The following FGD6 variants were observed in gnomAD, a reference collection of about 807,000 sequenced individuals.
The protein encoded by FGD6 is FYVE, RhoGEF and PH domain containing 6.
A neutral mutation model predicts 149.4 loss-of-function variants in FGD6; 90 were observed. The ratio of observed to expected loss-of-function variants is 0.60; its 90% CI spans 0.51 to 0.72. The LOEUF (loss-of-function observed/expected upper bound fraction) is 0.72. FGD6 is among the 30% of genes least tolerant of loss of function. The pLI is 0.00. For synonymous variants in FGD6, 527 were observed against 584.0 expected (o/e 0.90, Z 1.41); for missense variants, 1,437 against 1,684.8 (o/e 0.85, Z 2.57).
chr12:95,172,493 T>C (rs1881022362), intron 3 of FGD6, 107 bp downstream of exon 3: 2 of 1,029,920 alleles, frequency 1.9e-6, no homozygotes. Flanking sequence ...TGAAAGTGTT[T>C]TATAAGTTTT....
chr12:95,102,138 C>T (rs931947709), intron 14 of FGD6, among the ~76,000 whole-genome samples: 1 of 151,640 alleles, frequency 6.6e-6, no homozygotes, highest in African/African-American at 2.4e-5. Flanking sequence ...GAAAGGTCAT[C>T]TCTATCTTAA....
chr12:95,117,485 T>C lies in FGD6; in HGVS notation c.3083-3784A>G, dbSNP rs74323823. Among the ~76,000 whole-genome samples the C allele has an allele frequency of 9.4e-3, 1,422 of 152,046 alleles. 24 individuals are homozygous for C. Among genetic ancestry groups the C allele is most frequent in the African/African-American group, 0.032 (1,347 of 41,470 alleles). On this transcript the variant is annotated intron_variant, in intron 8 of 20. Coordinates refer to ENST00000343958, the MANE Select transcript of FGD6 (RefSeq NM_018351.4). The stretch of plus-strand genomic sequence containing the variant: ...TTGCCTAGGCTGGAGTGTGCAGTGG[T>C]GTGACCAATGCTCATTGTAGCTTCA...
chr12:95,155,706 A>C (rs1348034333), intron 3 of FGD6, among the ~76,000 whole-genome samples: 1 of 152,206 alleles, frequency 6.6e-6, no homozygotes, highest in Non-Finnish European at 1.5e-5. Context: ...CACAGGGACT[A>C]CGTAAAGTGA....
rs78109336 is a variant in FGD6, at chr12:95,087,918, T to C, written c.3978+1651A>G. 6.4e-3 allele frequency among the ~76,000 whole-genome samples: 977 copies of C among 152,244 alleles called. 12 individuals carry two copies. Among genetic ancestry groups the C allele is most frequent in the African/African-American group, 0.022 (923 of 41,528 alleles). On this transcript the variant is annotated intron_variant, in intron 18 of 20. Transcript: ENST00000343958. ...TTTTTAAAAAACTAGAATTGTTTCC[T>C]ATCTCAGTGAAAAAAAAGAGGAAAA...
intron 2 of FGD6, among the ~76,000 whole-genome samples, chr12:95,199,544 A>G (rs957304247): frequency 6.6e-6 from 1 of 151,534 alleles, no homozygotes; most frequent in Non-Finnish European, 1.5e-5. Context: ...GGCAGTAGAG[A>G]TGGACTGTGC....
intron 14 of FGD6, among the ~76,000 whole-genome samples, chr12:95,103,611 T>A (rs971305419): frequency 6.6e-6 from 1 of 152,224 alleles, no homozygotes. Context: ...CTCGGTTCAC[T>A]GCAACCTCCA....
At chr12:95,085,496 A>C (rs1034386859) in intron 19 of FGD6, 3 of 411,728 alleles carry the variant, frequency 7.3e-6, no homozygotes, top group African/African-American at 6.2e-5. Flanking sequence ...GAGCCAGTGC[A>C]CCTGGGGGCA....
chr12:95,169,776 G>T (rs963690577), intron 3 of FGD6, among the ~76,000 whole-genome samples: 1 of 152,138 alleles, frequency 6.6e-6, no homozygotes, highest in African/African-American at 2.4e-5. Context: ...GAAAAAACTT[G>T]GGAGTTGCTT....
chr12:95,210,927 C>T lies in FGD6; in HGVS notation c.357G>A (p.Lys119=). ...CACACAAATTCTCTCTATGGCCCAG[C>T]TTATGGATACACTCAGAACTGCAGG... ...MCSCSSECIH[K]LGHRENLCVK... The change falls in exon 2 of 21, where the codon AAG becomes AAA. Residue 119 remains lysine, a synonymous_variant. Transcript: ENST00000343958. The T allele has an allele frequency of 3.7e-6, 6 of 1,614,164 alleles. No homozygotes were observed. Among genetic ancestry groups the T allele is most frequent in the Non-Finnish European group, 5.1e-6 (6 of 1,180,044 alleles).
At chr12:95,161,417 AC>A (rs1186653749) in intron 3 of FGD6, among the ~76,000 whole-genome samples, 1 of 152,016 alleles carries the variant, frequency 6.6e-6, no homozygotes, top group East Asian at 1.9e-4. Flanking sequence ...AATCACTAGA[AC>A]CCAGGAGGCA....
chr12:95,104,894 C>T (rs1878559001), intron 14 of FGD6, 113 bp downstream of exon 14: 1 of 753,842 alleles, frequency 1.3e-6, no homozygotes, highest in African/African-American at 1.8e-5. Flanking sequence ...GCCTGGGTGA[C>T]AGAGTGAGAT....
At chr12:95,194,078 C>T (rs567474108) in intron 2 of FGD6, among the ~76,000 whole-genome samples, 6 of 151,948 alleles carry the variant, frequency 3.9e-5, no homozygotes, top group African/African-American at 1.4e-4. Flanking sequence ...GGACTACGGG[C>T]ATGTACCATC....
intron 2 of FGD6, among the ~76,000 whole-genome samples, chr12:95,186,358 C>T (rs1367339865): frequency 3.4e-5 from 5 of 145,456 alleles, no homozygotes; most frequent in Non-Finnish European, 4.5e-5. Context: ...AAGCAATTCT[C>T]CTGCCTCAGC....
At chr12:95,185,450 GA>G (rs555309343) in intron 2 of FGD6, among the ~76,000 whole-genome samples, 20 of 149,366 alleles carry the variant, frequency 1.3e-4, no homozygotes, top group Non-Finnish European at 2.2e-4. Flanking sequence ...CAGCAGAGAA[GA>G]AAAAAAAAAT....
intron 5 of FGD6, among the ~76,000 whole-genome samples, chr12:95,145,370 T>C (rs1236930359): frequency 6.6e-6 from 1 of 152,190 alleles, no homozygotes; most frequent in Non-Finnish European, 1.5e-5. Context: ...GGCCCATCTG[T>C]GCACTTTCTT....
intron 14 of FGD6, among the ~76,000 whole-genome samples, chr12:95,098,393 T>C (rs1878311713): frequency 6.6e-6 from 1 of 152,202 alleles, no homozygotes; most frequent in African/African-American, 2.4e-5. Context: ...ATCATTCCCT[T>C]GTATAAGCCT....
intron 5 of FGD6, among the ~76,000 whole-genome samples, chr12:95,148,623 T>C (rs1880101458): frequency 7.8e-6 from 1 of 128,750 alleles, no homozygotes. Flanking sequence ...TATTATATAA[T>C]ACATAGCATA....
rs1260552123 is a variant in FGD6, at chr12:95,191,893, G to A, written c.2441+16950C>T. Reference sequence around the variant, plus strand: ...TGGGATTATAGGCACCCGCCACCACGCCTGGCTAATTTTTTTGTATTTTTA... The same window carrying A: ...TGGGATTATAGGCACCCGCCACCACACCTGGCTAATTTTTTTGTATTTTTA... On this transcript the variant is annotated intron_variant, in intron 2 of 20. Coordinates refer to ENST00000343958, the MANE Select transcript of FGD6 (RefSeq NM_018351.4). Among the ~76,000 whole-genome samples, 7 of 152,022 alleles carry A rather than the reference G, an allele frequency of 4.6e-5. No homozygotes were observed. The East Asian group carries it at 7.7e-4, about 17-fold the overall frequency.
chr12:95,217,379 T>C lies in FGD6; in HGVS notation c.-139A>G. On this transcript the variant is annotated 5_prime_UTR_variant, in exon 1 of 21. Coordinates refer to ENST00000343958, the MANE Select transcript of FGD6 (RefSeq NM_018351.4). The stretch of plus-strand genomic sequence containing the variant: ...CGTCCCGCCGCCCCGCGGCGCAGCC[T>C]GAGCGCCACACAAAGGACGCGGCCG... 1 of 1,307,508 alleles carries C rather than the reference T, an allele frequency of 7.6e-7. No individual in the cohort carries two copies. Among genetic ancestry groups the C allele is most frequent in the Non-Finnish European group, 1.0e-6 (1 of 991,244 alleles). 81.0% of individuals were successfully genotyped at this position (1,307,508 alleles called of 1,614,324 possible). A position where few individuals can be genotyped will look rare whatever the true frequency, so the allele number is the denominator to read the frequency against.
Sources: allele counts gnomAD v4.1 joint callset (sites outside exome capture counted in the v4.1 genomes callset), GRCh38; gene constraint gnomAD v4.1.1; transcripts MANE v1.5; gene names NCBI Gene and HGNC (gene_info 2026-07-23, HGNC 2026-07-21).